ATP8A2: variants seen among roughly 807,000 people sequenced by gnomAD.
ATP8A2 encodes phospholipid-transporting ATPase IB.
ATP8A2 carries 100 observed loss-of-function variants against 165.6 expected under a neutral mutation model. That is an observed-to-expected ratio of 0.60 (90% CI 0.51 to 0.71). The LOEUF (loss-of-function observed/expected upper bound fraction) is 0.71. Among genes scored for constraint, ATP8A2 ranks in the 30% least tolerant of loss-of-function variants. The pLI is 0.00. For synonymous variants in ATP8A2, 543 were observed against 548.8 expected (o/e 0.99, Z 0.15); for missense variants, 1,227 against 1,479.5 (o/e 0.83, Z 2.80).
chr13:25,893,274 C>A (rs1185487046), intron 33 of ATP8A2, among the ~76,000 whole-genome samples: 2 of 142,206 alleles, frequency 1.4e-5, no homozygotes, highest in East Asian at 4.3e-4. Context: ...TTGTTCAATT[C>A]CCACCTATGA....
intron 18 of ATP8A2, 28 bp from the exon 19 acceptor site, chr13:25,574,780 G>A (rs557710612): frequency 9.3e-6 from 13 of 1,405,094 alleles, no homozygotes; most frequent in African/African-American, 2.8e-5. Flanking sequence ...TTTGCACCTC[G>A]GTTAAGAGCC....
intron 24 of ATP8A2, among the ~76,000 whole-genome samples, chr13:25,687,343 G>A (rs982875386): frequency 6.6e-6 from 1 of 152,170 alleles, no homozygotes; most frequent in African/African-American, 2.4e-5. Flanking sequence ...GATCCACAAA[G>A]AGCAAGTGAC....
intron 35 of ATP8A2, among the ~76,000 whole-genome samples, chr13:25,997,203 C>A (rs547559971): frequency 6.6e-6 from 1 of 152,280 alleles, no homozygotes; most frequent in East Asian, 1.9e-4. Context: ...CAAGAGATTT[C>A]TTTTTCATTC....
chr13:25,517,414 C>T (rs2037515437), intron 2 of ATP8A2, among the ~76,000 whole-genome samples: 1 of 152,160 alleles, frequency 6.6e-6, no homozygotes, highest in Non-Finnish European at 1.5e-5. Context: ...CTTCTCAGCT[C>T]ATGTTTCCAT....
intron 25 of ATP8A2, among the ~76,000 whole-genome samples, chr13:25,758,680 C>T (rs758856985): frequency 2.6e-4 from 40 of 152,038 alleles, no homozygotes; most frequent in Non-Finnish European, 5.9e-4. Flanking sequence ...ATCTGAAATC[C>T]GTTTGTCCAT....
At chr13:25,397,611 C>G (rs980905318) in intron 1 of ATP8A2, among the ~76,000 whole-genome samples, 1 of 152,194 alleles carries the variant, frequency 6.6e-6, no homozygotes, top group Non-Finnish European at 1.5e-5. Flanking sequence ...GGTCATTATG[C>G]TTTGTTGAGG....
intron 32 of ATP8A2, among the ~76,000 whole-genome samples, chr13:25,861,688 A>G (rs1409618806): frequency 6.6e-6 from 1 of 152,162 alleles, no homozygotes; most frequent in African/African-American, 2.4e-5. Flanking sequence ...GTCTGGATTC[A>G]TTTTATCTTT....
chr13:25,749,063 G>A (rs1179949165), intron 25 of ATP8A2, among the ~76,000 whole-genome samples: 1 of 152,194 alleles, frequency 6.6e-6, no homozygotes, highest in African/African-American at 2.4e-5. Flanking sequence ...ATAGCAGATA[G>A]CAGAATAGTT....
chr13:25,515,672 G>A (rs996916761), intron 2 of ATP8A2, among the ~76,000 whole-genome samples: 8 of 152,200 alleles, frequency 5.3e-5, no homozygotes, highest in African/African-American at 1.9e-4. Context: ...TTCTAGTATG[G>A]TAGTGGTGTC....
At chr13:25,554,264 C>T (rs773193552) in intron 12 of ATP8A2, among the ~76,000 whole-genome samples, 5 of 152,030 alleles carry the variant, frequency 3.3e-5, no homozygotes, top group East Asian at 1.9e-4. Flanking sequence ...AGTGGTCACT[C>T]GCATATCAAA....
intron 24 of ATP8A2, among the ~76,000 whole-genome samples, chr13:25,672,800 G>A (rs2042295223): frequency 6.6e-6 from 1 of 152,112 alleles, no homozygotes; most frequent in African/African-American, 2.4e-5. Flanking sequence ...AATTTCCCTT[G>A]CATGTGATAG....
intron 25 of ATP8A2, among the ~76,000 whole-genome samples, chr13:25,731,985 C>T (rs953250531): frequency 3.3e-5 from 5 of 152,188 alleles, no homozygotes; most frequent in Admixed American, 2.6e-4. Context: ...AGTGTGTCCT[C>T]TTTTTCAGGA....
rs7319806 is a variant in ATP8A2, at chr13:25,797,615, G to C, written c.2679+22656G>C. On this transcript the variant is annotated intron_variant, in intron 27 of 36. Coordinates refer to ENST00000381655, the MANE Select transcript of ATP8A2 (RefSeq NM_016529.6). ...CGTGTTCCCACTTTTTTAGGAATTT[G>C]ATGGAGAGGTTGTCTTACTACCATA... Among the ~76,000 whole-genome samples the C allele has an allele frequency of 3.7e-3, 568 of 152,262 alleles. 2 individuals carry two copies. The highest frequency in any genetic ancestry group is 0.013 in the African/African-American group (541 of 41,562).
At chr13:25,952,036 G>A (rs1397062133) in intron 33 of ATP8A2, among the ~76,000 whole-genome samples, 2 of 152,128 alleles carry the variant, frequency 1.3e-5, no homozygotes, top group African/African-American at 4.8e-5. Context: ...CATTGGGATC[G>A]GGTGTGTGGG....
chr13:25,961,432 C>T, intron 33 of ATP8A2, 143 bp from the exon 34 acceptor site: 1 of 633,088 alleles, frequency 1.6e-6, no homozygotes. Flanking sequence ...CCCTGATGGT[C>T]CTGCCAGTGC....
At chr13:25,821,906 A>G (rs1427732559) in intron 27 of ATP8A2, among the ~76,000 whole-genome samples, 1 of 152,210 alleles carries the variant, frequency 6.6e-6, no homozygotes, top group Non-Finnish European at 1.5e-5. Context: ...AGAAACAGCT[A>G]TATAAATAAA....
At chr13:25,993,209 T>C (rs981002480) in intron 35 of ATP8A2, among the ~76,000 whole-genome samples, 2 of 152,116 alleles carry the variant, frequency 1.3e-5, no homozygotes, top group African/African-American at 4.8e-5. Context: ...TACCCAGTAA[T>C]GGGATGGCTG....
chr13:25,910,198 T>G lies in ATP8A2; in HGVS notation c.3183+47790T>G, dbSNP rs116117062. The stretch of plus-strand genomic sequence containing the variant: ...ACTTTTTGACAAGAAATATTAAATA[T>G]TTTTCCAAAAGTGGTGCAGAATTGG... On this transcript the variant is annotated intron_variant, in intron 33 of 36. Coordinates refer to ENST00000381655, the MANE Select transcript of ATP8A2 (RefSeq NM_016529.6). 9.9e-3 allele frequency among the ~76,000 whole-genome samples: 1,505 copies of G among 152,300 alleles called. 25 individuals are homozygous for G. The highest frequency in any genetic ancestry group is 0.034 in the African/African-American group (1,412 of 41,560).
intron 24 of ATP8A2, among the ~76,000 whole-genome samples, chr13:25,689,437 T>G (rs1044693595): frequency 4.6e-5 from 7 of 152,204 alleles, no homozygotes; most frequent in African/African-American, 1.7e-4. Context: ...TAAACTTAAG[T>G]TGTCTAGAAA....
Sources: gnomAD v4.1 joint callset for allele counts (sites outside exome capture counted in the v4.1 genomes callset) on GRCh38, gnomAD v4.1.1 for gene constraint, MANE v1.5 for transcripts, NCBI Gene and HGNC (gene_info 2026-07-23, HGNC 2026-07-21) for gene names.